TEX101: variants seen among roughly 807,000 people sequenced by gnomAD.
TEX101 encodes testis expressed 101.
A neutral mutation model predicts 18.1 loss-of-function variants in TEX101; 10 were observed. That is an observed-to-expected ratio of 0.55 (90% CI 0.34 to 0.94). The LOEUF is 0.94. Among genes scored for constraint, TEX101 ranks in the 40% least tolerant of loss-of-function variants. The probability of loss-of-function intolerance (pLI) is 0.02; values close to 1 mark genes in which losing one functional copy is unlikely to be tolerated. For synonymous variants in TEX101, 94 were observed against 114.8 expected (o/e 0.82, Z 1.16); for missense variants, 259 against 298.9 (o/e 0.87, Z 0.98).
rs773560327 is a variant in TEX101, at chr19:43,418,440, TG to T, written c.*46del. On this transcript the variant is annotated 3_prime_UTR_variant, in exon 6 of 6. Coordinates refer to ENST00000598265, the MANE Select transcript of TEX101 (RefSeq NM_001130011.3). ...TGGGTCTGAGGACATCTTTTTTGAC[TG>T]GGAGCCTTCTTACTGTTGAGGTTCA... 9.7e-6 allele frequency: 15 copies of T among 1,545,722 alleles called. No individual in the cohort carries two copies. Among genetic ancestry groups the T allele is most frequent in the African/African-American group, 2.7e-5 (2 of 73,404 alleles).
intron 2 of TEX101, chr19:43,406,194 G>A (rs1970361393): frequency 5.3e-6 from 2 of 378,434 alleles, no homozygotes; most frequent in Non-Finnish European, 9.4e-6. Flanking sequence ...GGCTGCTGTG[G>A]GTATTGACGA....
chr19:43,402,178 T>A (rs2122317866), intron 1 of TEX101, among the ~76,000 whole-genome samples: 1 of 152,382 alleles, frequency 6.6e-6, no homozygotes, highest in African/African-American at 2.4e-5. Flanking sequence ...ACTGAACCAG[T>A]ATGAATATGT....
chr19:43,392,209 G>A, the TEX101 span, among the ~76,000 whole-genome samples: 1 of 152,076 alleles, frequency 6.6e-6, no homozygotes, highest in Non-Finnish European at 1.5e-5. Flanking sequence ...TTAACACAGA[G>A]AGAAGGAGGG....
At chr19:43,411,652 C>CTT (rs908491430), upstream of TEX101, among the ~76,000 whole-genome samples, 2 of 148,200 alleles carry the variant, frequency 1.3e-5, no homozygotes, top group Admixed American at 1.3e-4. Context: ...TCTTTTTTTT[C>CTT]TTTTTTTTTG....
At chr19:43,398,763 A>G (rs1199346835), upstream of TEX101, among the ~76,000 whole-genome samples, 1 of 152,196 alleles carries the variant, frequency 6.6e-6, no homozygotes, top group East Asian at 1.9e-4. Flanking sequence ...CTAGTAAGAT[A>G]CGTCCTTCCA....
upstream of TEX101, among the ~76,000 whole-genome samples, chr19:43,397,822 TAA>T (rs1161803851): frequency 1.7e-5 from 2 of 117,056 alleles, no homozygotes; most frequent in Admixed American, 2.6e-4. Flanking sequence ...TATAAATATA[TAA>T]AAATATATAT....
intron 2 of TEX101, among the ~76,000 whole-genome samples, chr19:43,404,227 A>C (rs1200318258): frequency 6.6e-6 from 1 of 152,128 alleles, no homozygotes; most frequent in Non-Finnish European, 1.5e-5. Context: ...GCACGTGAGA[A>C]GTAAACTCTG....
chr19:43,389,069 G>A, the TEX101 span, among the ~76,000 whole-genome samples: 1 of 152,126 alleles, frequency 6.6e-6, no homozygotes, highest in East Asian at 1.9e-4. Context: ...ACTCTAGGCA[G>A]AAACCGGCTT....
intron 4 of TEX101, 44 bp downstream of exon 4, chr19:43,416,599 A>G: frequency 6.4e-7 from 1 of 1,574,682 alleles, no homozygotes; most frequent in Non-Finnish European, 8.6e-7. Flanking sequence ...GAAACTCCAT[A>G]AAGAGCTTGT....
chr19:43,416,458 C>G lies in TEX101; in HGVS notation c.294C>G (p.Pro98=), dbSNP rs756241233. ...AITIVQHSSP[P]GLIVTSYSNY... is the part of the protein sequence containing the mutation. The stretch of plus-strand genomic sequence containing the variant: ...CAATTGTCCAGCACTCTTCACCTCC[C>G]GGCCTGATCGTGACCTCCTACAGTA... Residue 98 remains proline (P), a synonymous_variant, in exon 4 of 6, where the codon CCC becomes CCG. Transcript: ENST00000598265. The G allele has an allele frequency of 6.2e-7, 1 of 1,614,174 alleles. No homozygotes were observed. Among genetic ancestry groups the G allele is most frequent in the Non-Finnish European group, 8.5e-7 (1 of 1,180,012 alleles).
the TEX101 span, among the ~76,000 whole-genome samples, chr19:43,391,318 C>A: frequency 2.6e-5 from 4 of 152,184 alleles, no homozygotes; most frequent in South Asian, 8.3e-4. Flanking sequence ...TGAGAAACGA[C>A]CACAGTGGTT....
chr19:43,400,071 T>A (rs1444103703), upstream of TEX101, among the ~76,000 whole-genome samples: 1 of 152,192 alleles, frequency 6.6e-6, no homozygotes, highest in Non-Finnish European at 1.5e-5. Context: ...CGCCTCAGCC[T>A]CCCAAAGTGC....
chr19:43,406,036 G>GGAGTTTGA (rs1294272728), intron 2 of TEX101, among the ~76,000 whole-genome samples: 1 of 140,574 alleles, frequency 7.1e-6, no homozygotes, highest in Non-Finnish European at 1.5e-5. Context: ...CTTGAGGCCA[G>GGAGTTTGA]GAGTTTGAGA....
chr19:43,411,260 G>A (rs10424330), upstream of TEX101, among the ~76,000 whole-genome samples: 44,615 of 151,864 alleles, frequency 0.29, 6,931 homozygotes, highest in East Asian at 0.59. Flanking sequence ...CATTTTTAGT[G>A]GAGACAGGGT....
intron 2 of TEX101, among the ~76,000 whole-genome samples, chr19:43,405,807 C>G (rs567863013): frequency 6.6e-6 from 1 of 151,234 alleles, no homozygotes; most frequent in Non-Finnish European, 1.5e-5. Context: ...CCCAGCTATT[C>G]GGGAGACTGA....
the TEX101 span, among the ~76,000 whole-genome samples, chr19:43,390,258 A>G: frequency 6.6e-6 from 1 of 152,034 alleles, no homozygotes; most frequent in Non-Finnish European, 1.5e-5. Flanking sequence ...CCTGTGTCTC[A>G]TCCCTGTTCC....
At chr19:43,392,861 C>T in the TEX101 span, among the ~76,000 whole-genome samples, 42 of 152,038 alleles carry the variant, frequency 2.8e-4, no homozygotes, top group Non-Finnish European at 5.3e-4. Flanking sequence ...AGTTTGAGAC[C>T]AGCCTGGCCA....
chr19:43,416,350 C>T (rs1470104596), intron 3 of TEX101, 23 bp from the exon 4 acceptor site: 2 of 1,602,464 alleles, frequency 1.2e-6, no homozygotes, highest in Non-Finnish European at 1.7e-6. Context: ...CATCCATTTC[C>T]CCTCCTTCCT....
the TEX101 span, among the ~76,000 whole-genome samples, chr19:43,391,406 C>CTTTTTT: frequency 9.1e-4 from 87 of 95,840 alleles, no homozygotes; most frequent in East Asian, 1.6e-3. Context: ...TTCTGTTTTT[C>CTTTTTT]TTTTTTTTTT....
Sources: allele counts gnomAD v4.1 joint callset (sites outside exome capture counted in the v4.1 genomes callset), GRCh38; gene constraint gnomAD v4.1.1; transcripts MANE v1.5; gene names NCBI Gene and HGNC (gene_info 2026-07-23, HGNC 2026-07-21).